The following DLG2 variants were observed in gnomAD, a reference collection of about 807,000 sequenced individuals.
DLG2 encodes the protein disks large homolog 2.
DLG2 carries 45 observed loss-of-function variants against 132.5 expected under a neutral mutation model. The ratio of observed to expected loss-of-function variants is 0.34; its 90% CI spans 0.27 to 0.44. The LOEUF (loss-of-function observed/expected upper bound fraction) is 0.44. Among genes scored for constraint, DLG2 ranks in the 20% least tolerant of loss-of-function variants. The probability of loss-of-function intolerance (pLI) is 1.00; values close to 1 mark genes in which losing one functional copy is unlikely to be tolerated. For synonymous variants in DLG2, 424 were observed against 419.6 expected, an observed-to-expected ratio of 1.01 and a Z score of -0.13; for missense variants, 1,045 against 1,196.9, an observed-to-expected ratio of 0.87 and a Z score of 1.87.
intron 11 of DLG2, among the ~76,000 whole-genome samples, chr11:84,048,429 T>C (rs2096283526): frequency 1.3e-5 from 2 of 151,624 alleles, no homozygotes; most frequent in African/African-American, 4.8e-5. Flanking sequence ...TCATGCCAAA[T>C]AGTTAAATTT....
intron 3 of DLG2, among the ~76,000 whole-genome samples, chr11:85,349,883 T>A (rs1408410988): frequency 2.0e-5 from 3 of 151,682 alleles, no homozygotes; most frequent in Non-Finnish European, 4.4e-5. Flanking sequence ...CGTGTGCACG[T>A]GTCTTTATAG....
chr11:84,398,249 G>T (rs570229013), intron 7 of DLG2, among the ~76,000 whole-genome samples: 1 of 152,212 alleles, frequency 6.6e-6, no homozygotes, highest in African/African-American at 2.4e-5. Flanking sequence ...CAAGTGTTAT[G>T]TCTGAAAGCT....
intron 6 of DLG2, among the ~76,000 whole-genome samples, chr11:84,924,618 C>T (rs1454302940): frequency 6.6e-6 from 1 of 152,258 alleles, no homozygotes; most frequent in Non-Finnish European, 1.5e-5. Flanking sequence ...CTATTTCTCT[C>T]TTAATGACAA....
rs146364803 is a variant in DLG2 at position 83,787,218 on chromosome 11, G to A, written c.1723-426C>T. Among the ~76,000 whole-genome samples, 360 of 151,246 alleles carry A rather than the reference G, an allele frequency of 2.4e-3. 1 individual carries two copies. The highest frequency in any genetic ancestry group is 3.8e-3 in the Non-Finnish European group (257 of 67,898). On this transcript the variant is annotated intron_variant, in intron 17 of 27. Transcript: ENST00000376104. ...CATTCAGATGAGATTCTGGGGACAT[G>A]GTATAAAATGGGGCCAGATGGTTGC...
chr11:84,749,179 C>T (rs2065781889), intron 6 of DLG2, among the ~76,000 whole-genome samples: 1 of 152,080 alleles, frequency 6.6e-6, no homozygotes, highest in South Asian at 2.1e-4. Context: ...TCCCTGACTC[C>T]AGGCTTTTCT....
chr11:83,857,259 CA>C (rs1393081221), intron 16 of DLG2, among the ~76,000 whole-genome samples: 1 of 152,128 alleles, frequency 6.6e-6, no homozygotes, highest in African/African-American at 2.4e-5. Context: ...GTGATGTCTC[CA>C]GCTTTGTTCC....
At chr11:84,869,740 TCTC>T in intron 6 of DLG2, among the ~76,000 whole-genome samples, 1 of 152,300 alleles carries the variant, frequency 6.6e-6, no homozygotes, top group African/African-American at 2.4e-5. Flanking sequence ...GGCTGTCTCT[TCTC>T]AACTCCTGAA....
intron 8 of DLG2, among the ~76,000 whole-genome samples, chr11:84,210,446 T>G (rs2096738095): frequency 2.1e-5 from 3 of 145,944 alleles, no homozygotes; most frequent in Non-Finnish European, 3.0e-5. Context: ...AGATGACGAG[T>G]TAGTGGGTGC....
chr11:83,709,844 G>T (rs566995711), intron 18 of DLG2, among the ~76,000 whole-genome samples: 3 of 152,290 alleles, frequency 2.0e-5, no homozygotes, highest in Admixed American at 1.3e-4. Context: ...GAGAAAGAAG[G>T]TTCTAAGCGT....
At chr11:83,831,119 T>C (rs942229405) in intron 17 of DLG2, among the ~76,000 whole-genome samples, 1 of 152,196 alleles carries the variant, frequency 6.6e-6, no homozygotes, top group African/African-American at 2.4e-5. Context: ...TTGTGCTAAA[T>C]ATTGAGGATA....
chr11:84,296,968 AAGGGTCAAT>A lies in DLG2; in HGVS notation c.520-45686_520-45678del, dbSNP rs575905949. Among the ~76,000 whole-genome samples, 26 of 152,232 alleles carry A rather than the reference AAGGGTCAAT, an allele frequency of 1.7e-4. 1 individual carries two copies. In the East Asian group the frequency reaches 5.0e-3, roughly 29 times the overall value. On this transcript the variant is annotated intron_variant, in intron 7 of 27. Transcript: ENST00000376104. ...AGGGTCAAGACCTAAAGAGGGGGGAAAGGGTCAATAGCAGATATTGGGTGGGGATGATCT... is the reference window on the plus strand; with the variant it reads ...AGGGTCAAGACCTAAAGAGGGGGGAAAGCAGATATTGGGTGGGGATGATCT...
chr11:84,720,621 C>G (rs935571691), intron 6 of DLG2, among the ~76,000 whole-genome samples: 1 of 151,810 alleles, frequency 6.6e-6, no homozygotes, highest in African/African-American at 2.4e-5. Flanking sequence ...GGGACAGAAC[C>G]AAGAAAGAAT....
chr11:84,262,204 ACTC>A (rs2097556518), intron 7 of DLG2, among the ~76,000 whole-genome samples: 1 of 152,054 alleles, frequency 6.6e-6, no homozygotes, highest in Non-Finnish European at 1.5e-5. Context: ...GCCAAGGCTC[ACTC>A]CTCTTGACTC....
At chr11:83,663,702 G>C (rs1210501958) in intron 18 of DLG2, among the ~76,000 whole-genome samples, 1 of 152,158 alleles carries the variant, frequency 6.6e-6, no homozygotes, top group Non-Finnish European at 1.5e-5. Context: ...CTGTGGGTTG[G>C]TAATACTATT....
At chr11:84,965,072 T>G (rs2053134657) in intron 6 of DLG2, among the ~76,000 whole-genome samples, 1 of 152,106 alleles carries the variant, frequency 6.6e-6, no homozygotes, top group Non-Finnish European at 1.5e-5. Context: ...ACTCTATACA[T>G]TGTATAAATA....
At chr11:85,088,087 T>C (rs1441306921) in intron 6 of DLG2, among the ~76,000 whole-genome samples, 2 of 152,264 alleles carry the variant, frequency 1.3e-5, no homozygotes, top group East Asian at 1.9e-4. Flanking sequence ...AGGTAATAGA[T>C]AGTGGTAACT....
At chr11:84,457,710 T>C (rs1272045402) in intron 7 of DLG2, among the ~76,000 whole-genome samples, 2 of 150,960 alleles carry the variant, frequency 1.3e-5, no homozygotes, top group Admixed American at 6.6e-5. Context: ...ACCTCAGTTT[T>C]ATTCTTCTCT....
rs570615911 is a variant in DLG2 at position 85,567,049 on chromosome 11, G to C, written c.40+31608C>G. Among the ~76,000 whole-genome samples, 12 of 152,206 alleles carry C rather than the reference G, an allele frequency of 7.9e-5. No individual in the cohort carries two copies. The South Asian group carries it at 2.5e-3, about 32-fold the overall frequency. On this transcript the variant is annotated intron_variant, in intron 3 of 27. Transcript: ENST00000376104. ...GATTTATGTGTCTATCTTTATGCTAGTGCCACACTGTCTTGATTACTATAG... is the reference window on the plus strand; with the variant it reads ...GATTTATGTGTCTATCTTTATGCTACTGCCACACTGTCTTGATTACTATAG...
intron 6 of DLG2, among the ~76,000 whole-genome samples, chr11:84,700,455 AATT>A (rs1185648201): frequency 2.6e-5 from 4 of 151,704 alleles, no homozygotes; most frequent in African/African-American, 9.7e-5. Context: ...TGCAGAATAA[AATT>A]ATTCTGTGAC....
Sources: allele counts gnomAD v4.1 joint callset (sites outside exome capture counted in the v4.1 genomes callset), GRCh38; gene constraint gnomAD v4.1.1; transcripts MANE v1.5; gene names NCBI Gene and HGNC (gene_info 2026-07-23, HGNC 2026-07-21).